Variants in TMEM38A observed in about 807,000 individuals in gnomAD.
The protein encoded by TMEM38A is transmembrane protein 38A.
A neutral mutation model predicts 28.6 loss-of-function variants in TMEM38A; 17 were observed. The observed-to-expected ratio is 0.60, with a 90% CI of 0.41 to 0.89. The LOEUF (loss-of-function observed/expected upper bound fraction) is 0.89, where lower values mean the gene tolerates loss of function less well. TMEM38A is among the 40% of genes least tolerant of loss of function. The pLI, the probability that TMEM38A is intolerant of heterozygous loss-of-function variation, is 0.00. For synonymous variants in TMEM38A, 169 were observed against 166.1 expected (o/e 1.02, Z -0.14); for missense variants, 328 against 393.1 (o/e 0.83, Z 1.40).
chr19:16,686,525 G>C, intron 5 of TMEM38A, 120 bp downstream of exon 5: 4 of 753,560 alleles, frequency 5.3e-6, no homozygotes, highest in Non-Finnish European at 6.8e-6. Context: ...GCAGCCCAGA[G>C]AGGGGAGATG....
intron 1 of TMEM38A, among the ~76,000 whole-genome samples, chr19:16,672,017 A>G (rs770300259): frequency 3.9e-5 from 6 of 152,176 alleles, no homozygotes; most frequent in Non-Finnish European, 7.3e-5. Flanking sequence ...TGTGTTTTAA[A>G]TAGACCCTAG....
intron 4 of TMEM38A, among the ~76,000 whole-genome samples, chr19:16,683,795 A>G (rs1168619342): frequency 6.6e-6 from 1 of 151,338 alleles, no homozygotes; most frequent in Non-Finnish European, 1.5e-5. Context: ...ACATAGAGAA[A>G]CCCCATTTCT....
intron 1 of TMEM38A, among the ~76,000 whole-genome samples, chr19:16,679,605 T>A (rs1437875214): frequency 6.6e-6 from 1 of 152,004 alleles, no homozygotes; most frequent in East Asian, 1.9e-4. Flanking sequence ...GAGTAGCAAT[T>A]TCAAAGTACT....
At chr19:16,666,128 G>A (rs951044235) in intron 1 of TMEM38A, among the ~76,000 whole-genome samples, 3 of 151,702 alleles carry the variant, frequency 2.0e-5, no homozygotes, top group Admixed American at 2.0e-4. Context: ...TTACAGACAC[G>A]CGCCACCATG....
At chr19:16,676,318 T>C (rs1315200771) in intron 1 of TMEM38A, among the ~76,000 whole-genome samples, 1 of 152,154 alleles carries the variant, frequency 6.6e-6, no homozygotes, top group African/African-American at 2.4e-5. Flanking sequence ...ATTGCGCCAC[T>C]GCACTCCAGC....
At chr19:16,682,783 A>G (rs775645870) in intron 4 of TMEM38A, among the ~76,000 whole-genome samples, 11 of 152,258 alleles carry the variant, frequency 7.2e-5, no homozygotes, top group Middle Eastern at 3.4e-3. Context: ...CTCCCAACAG[A>G]GGCCAGCATC....
At chr19:16,678,422 T>A (rs1261197165) in intron 1 of TMEM38A, among the ~76,000 whole-genome samples, 2 of 131,036 alleles carry the variant, frequency 1.5e-5, no homozygotes, top group Non-Finnish European at 3.1e-5. Flanking sequence ...AGTGAGACTC[T>A]GTCTCAAAAA....
In TMEM38A at chr19:16,680,536, T is replaced by C. The variant is rs772661761; in HGVS notation, c.421T>C (p.Tyr141His). The part of the protein sequence containing the change: ...AVGIHHAHHH[Y>H]HHGWFVMIAT... The stretch of plus-strand genomic sequence containing the variant: ...GGGCATCCATCACGCCCATCACCAC[T>C]ACCACCACGGGTGGTTCGTCATGAT... The change falls in exon 3 of 6, where the codon TAC becomes CAC. Residue 141 changes from tyrosine to histidine, a missense_variant. Tyr to His is a moderately conservative substitution (Grantham distance 83). Transcript: ENST00000187762. 2 of 1,614,180 alleles carry C rather than the reference T, an allele frequency of 1.2e-6. No homozygotes were observed. The highest frequency in any genetic ancestry group is 1.1e-5 in the South Asian group (1 of 91,084).
At chr19:16,672,581 T>G (rs1181270163) in intron 1 of TMEM38A, among the ~76,000 whole-genome samples, 3 of 151,378 alleles carry the variant, frequency 2.0e-5, no homozygotes, top group East Asian at 3.9e-4. Flanking sequence ...CCCAAGTAGC[T>G]GAGATTACAG....
chr19:16,680,667 C>T (rs1358683590), intron 3 of TMEM38A, 86 bp downstream of exon 3: 2 of 1,415,506 alleles, frequency 1.4e-6, no homozygotes, highest in Non-Finnish European at 1.9e-6. Flanking sequence ...CTAGGAAAGC[C>T]ATTGCTCCAG....
intron 1 of TMEM38A, among the ~76,000 whole-genome samples, chr19:16,665,927 G>A (rs752067770): frequency 2.0e-4 from 31 of 151,278 alleles, no homozygotes; most frequent in Non-Finnish European, 4.0e-4. Context: ...TCCTGCCTTA[G>A]CCTCCTAAGT....
Position 16,666,270 on chromosome 19 carries a change from C to T in TMEM38A, c.124+4929C>T, listed in dbSNP as rs775890113. ...CTGGGATTACAGACATCAGCCATTG[C>T]GCCTGGCCCATTTTTTTTGTATTTT... is the stretch of plus-strand genomic sequence containing the variant. On this transcript the variant is annotated intron_variant, in intron 1 of 5. Coordinates refer to ENST00000187762, the MANE Select transcript of TMEM38A (RefSeq NM_024074.4). Among the ~76,000 whole-genome samples, 4 of 151,878 alleles carry T rather than the reference C, an allele frequency of 2.6e-5. No individual in the cohort carries two copies. In the East Asian group the frequency reaches 5.8e-4, roughly 22 times the overall value.
intron 4 of TMEM38A, among the ~76,000 whole-genome samples, chr19:16,682,977 A>AT (rs964233213): frequency 5.9e-5 from 9 of 151,946 alleles, no homozygotes; most frequent in East Asian, 5.8e-4. Flanking sequence ...AATGTTTTTT[A>AT]TTTTTTTATT....
chr19:16,672,576 G>A (rs984081094), intron 1 of TMEM38A, among the ~76,000 whole-genome samples: 1 of 149,648 alleles, frequency 6.7e-6, no homozygotes, highest in South Asian at 2.1e-4. Flanking sequence ...AGCTTCCCAA[G>A]TAGCTGAGAT....
At chr19:16,683,269 C>A (rs1235215126) in intron 4 of TMEM38A, among the ~76,000 whole-genome samples, 2 of 152,090 alleles carry the variant, frequency 1.3e-5, no homozygotes, top group Non-Finnish European at 2.9e-5. Flanking sequence ...CCACCCTGCC[C>A]TGGACAGTTT....
intron 1 of TMEM38A, among the ~76,000 whole-genome samples, chr19:16,662,673 C>T (rs1476132275): frequency 2.0e-5 from 3 of 151,796 alleles, no homozygotes; most frequent in South Asian, 2.1e-4. Context: ...AGGATAGTCT[C>T]GATCTCCTGA....
At chr19:16,681,782 T>C (rs2086783167) in intron 3 of TMEM38A, among the ~76,000 whole-genome samples, 1 of 152,178 alleles carries the variant, frequency 6.6e-6, no homozygotes, top group African/African-American at 2.4e-5. Flanking sequence ...CATTGCCAGA[T>C]GCTTCCTTGG....
Position 16,662,210 on chromosome 19 carries a change from C to T in TMEM38A, c.124+869C>T, listed in dbSNP as rs993131685. Among the ~76,000 whole-genome samples, 3 of 152,034 alleles carry T rather than the reference C, an allele frequency of 2.0e-5. No individual in the cohort carries two copies. In the South Asian group the frequency reaches 6.2e-4, roughly 32 times the overall value. On this transcript the variant is annotated intron_variant, in intron 1 of 5. Transcript: ENST00000187762. The stretch of plus-strand genomic sequence containing the variant: ...CTTAGAAAAATAAAGGAACCCCAAA[C>T]TTCATAAGCCTTTCTCCCACTTAGA...
chr19:16,673,070 TTTTG>T (rs762139122), intron 1 of TMEM38A, among the ~76,000 whole-genome samples: 45 of 151,998 alleles, frequency 3.0e-4, no homozygotes, highest in East Asian at 7.7e-4. Context: ...TTCTTTTTCT[TTTTG>T]TTTGTTTGTT....
Sources: allele counts gnomAD v4.1 joint callset (sites outside exome capture counted in the v4.1 genomes callset), GRCh38; gene constraint gnomAD v4.1.1; transcripts MANE v1.5; gene names NCBI Gene and HGNC (gene_info 2026-07-23, HGNC 2026-07-21).